FBXO28: variants seen among roughly 807,000 people sequenced by gnomAD.
FBXO28 encodes the protein F-box only protein 28.
FBXO28 carries 8 observed loss-of-function variants against 38.1 expected under a neutral mutation model. The ratio of observed to expected loss-of-function variants is 0.21; its 90% confidence interval spans 0.12 to 0.38. The LOEUF (loss-of-function observed/expected upper bound fraction) is 0.38, where lower values mean the gene tolerates loss of function less well. Ranked by LOEUF, FBXO28 falls within the 10% of genes least tolerant of loss-of-function variation. The pLI is 1.00. For synonymous variants in FBXO28, 168 were observed against 173.8 expected, an observed-to-expected ratio of 0.97 and a Z score of 0.26; for missense variants, 345 against 460.6, an observed-to-expected ratio of 0.75 and a Z score of 2.30.
chr1:224,126,498 A>G (rs1656906280), intron 1 of FBXO28, among the ~76,000 whole-genome samples: 1 of 152,200 alleles, frequency 6.6e-6, no homozygotes, highest in African/African-American at 2.4e-5. Flanking sequence ...TTTTAAGTCC[A>G]CTATCTACTC....
intron 3 of FBXO28, among the ~76,000 whole-genome samples, chr1:224,150,852 T>C (rs1657625397): frequency 6.6e-6 from 1 of 152,198 alleles, no homozygotes; most frequent in Non-Finnish European, 1.5e-5. Flanking sequence ...CTCCTTTAAA[T>C]TATTTTCCTG....
At chr1:224,146,673 A>AG (rs2102630099) in intron 3 of FBXO28, among the ~76,000 whole-genome samples, 1 of 150,654 alleles carries the variant, frequency 6.6e-6, no homozygotes, top group Non-Finnish European at 1.5e-5. Context: ...CACCAGCCAC[A>AG]GCCTGTACTG....
intron 2 of FBXO28, among the ~76,000 whole-genome samples, chr1:224,132,468 A>G (rs1657073575): frequency 6.6e-6 from 1 of 152,160 alleles, no homozygotes; most frequent in African/African-American, 2.4e-5. Flanking sequence ...TTCATATATC[A>G]ATGTTGGGAA....
Position 224,161,672 on chromosome 1 carries a change from A to T in FBXO28, c.*3926A>T, listed in dbSNP as rs1183463642. On this transcript the variant is annotated 3_prime_UTR_variant, in exon 5 of 5. Transcript: ENST00000366862. ...AGCAATACAGTTATATTGGTGATAA[A>T]TATGACAGGCTTAAGTACTGCTGTC... 6.6e-6 allele frequency: 1 copy of T among 152,230 alleles called. No individual in the cohort carries two copies. Among genetic ancestry groups the T allele is most frequent in the Non-Finnish European group, 1.5e-5 (1 of 68,028 alleles). The allele number at this position is 152,230 out of a possible 1,614,324, so 9.4% of individuals were successfully genotyped here.
Position 224,157,346 on chromosome 1 carries a change from C to G in FBXO28, c.713-6C>G. 6.3e-7 allele frequency: 1 copy of G among 1,583,728 alleles called. No individual in the cohort carries two copies. Among genetic ancestry groups the G allele is most frequent in the Admixed American group, 1.9e-5 (1 of 53,882 alleles). On this transcript the variant is annotated splice_region_variant and splice_polypyrimidine_tract_variant and intron_variant, in intron 4 of 4. Transcript: ENST00000366862. ...TGACTGACCCTTTTGAATTATTCCTCCACAGTTCCAGGACCGTCTGCAGCC... is the reference window on the plus strand; with the variant it reads ...TGACTGACCCTTTTGAATTATTCCTGCACAGTTCCAGGACCGTCTGCAGCC...
intron 3 of FBXO28, among the ~76,000 whole-genome samples, chr1:224,150,375 G>A (rs559460743): frequency 6.6e-6 from 1 of 152,086 alleles, no homozygotes; most frequent in South Asian, 2.1e-4. Flanking sequence ...TATGTAAAAC[G>A]TTGATAAACA....
intron 3 of FBXO28, 90 bp from the exon 4 acceptor site, chr1:224,153,052 C>A: frequency 3.0e-6 from 3 of 1,004,356 alleles, no homozygotes; most frequent in Non-Finnish European, 4.3e-6. Context: ...ACTGGAATTG[C>A]AAAACAAGCA....
chr1:224,158,595 GA>G lies in FBXO28; in HGVS notation c.*851del, dbSNP rs1657824625. 6.6e-6 allele frequency: 1 copy of G among 152,330 alleles called. No homozygotes were observed. Among genetic ancestry groups the G allele is most frequent in the African/African-American group, 2.4e-5 (1 of 41,426 alleles). The allele number at this position is 152,330 out of a possible 1,614,324, so 9.4% of individuals were successfully genotyped here. A position where few individuals can be genotyped will look rare whatever the true frequency, so the allele number is the denominator to read the frequency against. On this transcript the variant is annotated 3_prime_UTR_variant, in exon 5 of 5. Transcript: ENST00000366862. ...ATCCATTTGTCCTCCAGTTTTATAGGAACAAGAGACTATTAAAGCCCATTGC... is the reference window on the plus strand; with the variant it reads ...ATCCATTTGTCCTCCAGTTTTATAGGACAAGAGACTATTAAAGCCCATTGC...
intron 1 of FBXO28, among the ~76,000 whole-genome samples, chr1:224,121,839 G>A (rs944098318): frequency 2.8e-4 from 43 of 152,002 alleles, no homozygotes; most frequent in African/African-American, 9.4e-4. Flanking sequence ...GCAGTGGCAC[G>A]ATCTCGGCCC....
chr1:224,143,169 A>G (rs190320368), intron 3 of FBXO28, among the ~76,000 whole-genome samples: 3 of 150,516 alleles, frequency 2.0e-5, no homozygotes, highest in African/African-American at 7.3e-5. Context: ...CAGTGAGCCA[A>G]CATCGTGCCA....
At chr1:224,127,017 GT>G (rs894870147) in intron 1 of FBXO28, among the ~76,000 whole-genome samples, 7 of 149,328 alleles carry the variant, frequency 4.7e-5, no homozygotes, top group Middle Eastern at 3.4e-3. Context: ...TAACATAAAA[GT>G]TTTTTTTTTC....
At chr1:224,115,975 A>G (rs1182474888) in intron 1 of FBXO28, among the ~76,000 whole-genome samples, 1 of 152,204 alleles carries the variant, frequency 6.6e-6, no homozygotes, top group Non-Finnish European at 1.5e-5. Flanking sequence ...ACATCCCACA[A>G]CTTATGAATA....
chr1:224,160,467 G>GTT lies in FBXO28; in HGVS notation c.*2722_*2723insTT, dbSNP rs1234233481. 6.6e-6 allele frequency: 1 copy of GTT among 152,132 alleles called. No homozygotes were observed. Among genetic ancestry groups the GTT allele is most frequent in the Non-Finnish European group, 1.5e-5 (1 of 68,036 alleles). 9.4% of individuals were successfully genotyped at this position (152,132 alleles called of 1,614,324 possible). A position where few individuals can be genotyped will look rare whatever the true frequency, so the allele number is the denominator to read the frequency against. Reference sequence around the variant, plus strand: ...CAGCGCTGCACACATGGATAGCAATGTGAAAAGGCATGCCTAAGAGACAGA... The same window carrying GTT: ...CAGCGCTGCACACATGGATAGCAATGTTTGAAAAGGCATGCCTAAGAGACAGA... On this transcript the variant is annotated 3_prime_UTR_variant, in exon 5 of 5. Transcript: ENST00000366862.
chr1:224,144,156 A>AG (rs1196763670), intron 3 of FBXO28, among the ~76,000 whole-genome samples: 2 of 150,868 alleles, frequency 1.3e-5, no homozygotes, highest in Non-Finnish European at 3.0e-5. Flanking sequence ...TATGTCTCAA[A>AG]AAAAAAAAAA....
chr1:224,133,881 T>C (rs1657115132), intron 2 of FBXO28, among the ~76,000 whole-genome samples, 193 bp from the exon 3 acceptor site: 1 of 152,008 alleles, frequency 6.6e-6, no homozygotes, highest in Non-Finnish European at 1.5e-5. Flanking sequence ...ATTTTGTCAA[T>C]GAGTACCAGT....
In FBXO28 at chr1:224,114,215, C is replaced by G. The variant is rs771816273; in HGVS notation, c.86C>G (p.Thr29Ser). 9 of 1,550,070 alleles carry G rather than the reference C, an allele frequency of 5.8e-6. No individual in the cohort carries two copies. The highest frequency in any genetic ancestry group is 7.8e-6 in the Non-Finnish European group (9 of 1,147,324). Reference protein sequence around the residue: ...DGGSSLASGSTQRQPPPPAPQ... With the variant: ...DGGSSLASGSSQRQPPPPAPQ... ...GGTTCCTCTTTGGCCTCCGGCTCTA[C>G]CCAGCGACAGCCTCCACCGCCCGCG... The change falls in exon 1 of 5, where the codon ACC becomes AGC. Residue 29 changes from threonine to serine, a missense_variant. Coordinates refer to ENST00000366862, the MANE Select transcript of FBXO28 (RefSeq NM_015176.4).
chr1:224,141,552 T>TC (rs1408643248), intron 3 of FBXO28, among the ~76,000 whole-genome samples: 1 of 152,086 alleles, frequency 6.6e-6, no homozygotes, highest in African/African-American at 2.4e-5. Context: ...GGTCACTTTG[T>TC]CATGTGAACA....
chr1:224,158,029 T>G lies in FBXO28; in HGVS notation c.*283T>G. ...TGTGCAGATAATGTTGAAAGTAAGT[T>G]AATTTGTTTCTGCATATATGCACAT... is the stretch of plus-strand genomic sequence containing the variant. On this transcript the variant is annotated 3_prime_UTR_variant, in exon 5 of 5. Transcript: ENST00000366862. 1 of 1,163,416 alleles carries G rather than the reference T, an allele frequency of 8.6e-7. No homozygotes were observed. The highest frequency in any genetic ancestry group is 4.3e-5 in the Admixed American group (1 of 23,286). The allele number at this position is 1,163,416 out of a possible 1,614,324, so 72.1% of individuals were successfully genotyped here.
intron 4 of FBXO28, among the ~76,000 whole-genome samples, chr1:224,154,514 A>G (rs977471368): frequency 6.6e-6 from 1 of 152,000 alleles, no homozygotes; most frequent in South Asian, 2.1e-4. Context: ...CTACTAAAAA[A>G]TACCAAAAAA....
Sources: allele counts gnomAD v4.1 joint callset (sites outside exome capture counted in the v4.1 genomes callset), GRCh38; gene constraint gnomAD v4.1.1; transcripts MANE v1.5; gene names NCBI Gene and HGNC (gene_info 2026-07-23, HGNC 2026-07-21).